Variants in FCRL4 observed in about 807,000 individuals in gnomAD.
The protein encoded by FCRL4 is Fc receptor like 4.
FCRL4 carries 43 observed loss-of-function variants against 64.1 expected under a neutral mutation model. The observed-to-expected ratio is 0.67, with a 90% CI of 0.53 to 0.87. FCRL4 has a LOEUF of 0.87. FCRL4 is among the 40% of genes least tolerant of loss of function. FCRL4 has a pLI of 0.00. For synonymous variants in FCRL4, 253 were observed against 239.8 expected (o/e 1.05, Z -0.51); for missense variants, 656 against 613.5 (o/e 1.07, Z -0.73).
intron 2 of FCRL4, among the ~76,000 whole-genome samples, chr1:157,593,892 T>A (rs946368648): frequency 6.6e-6 from 1 of 152,200 alleles, no homozygotes; most frequent in Non-Finnish European, 1.5e-5. Context: ...CACTCAAACG[T>A]CCTTACCAAT....
chr1:157,575,583 T>A lies in FCRL4; in HGVS notation c.1489A>T (p.Lys497Ter). ...KDVSVVYSEV[K>*]TQHPDNSAGK... ...GCTGAGTTATCTGGGTGTTGTGTCT[T>A]TACCTCAGAGTAGACAACTGAGACA... The change falls in exon 12 of 12, where the codon AAG (lysine) becomes TAG (stop). Residue 497 changes from lysine (K) to a stop codon, truncating the protein, a stop_gained. Transcript: ENST00000271532. LOFTEE classifies it low-confidence loss of function (END_TRUNC). 2 of 1,613,896 alleles carry A rather than the reference T, an allele frequency of 1.2e-6. No homozygotes were observed. The highest frequency in any genetic ancestry group is 1.7e-6 in the Non-Finnish European group (2 of 1,179,800).
rs1379401344 is a variant in FCRL4 at position 157,597,918 on chromosome 1, G to A, written c.27C>T (p.Ala9=). Reference sequence around the variant, plus strand: ...GGTCTCCTCCCCATCACTTACCAAAGGCCAGCAAGGACGCCCACAGCAGCA... The same window carrying A: ...GGTCTCCTCCCCATCACTTACCAAAAGCCAGCAAGGACGCCCACAGCAGCA... The part of the protein sequence containing the change: MLLWASLL[A]FAPVCGQSAA... Residue 9 remains alanine, a synonymous_variant, in exon 1 of 12, where the codon GCC becomes GCT. Transcript: ENST00000271532. The A allele has an allele frequency of 1.2e-6, 2 of 1,613,288 alleles. No individual in the cohort carries two copies. The highest frequency in any genetic ancestry group is 2.2e-5 in the East Asian group (1 of 44,852).
At chr1:157,594,658 A>G (rs1432126663) in intron 2 of FCRL4, among the ~76,000 whole-genome samples, 1 of 152,216 alleles carries the variant, frequency 6.6e-6, no homozygotes, top group Non-Finnish European at 1.5e-5. Context: ...TCAGATGAGG[A>G]CTGTCTACAT....
intron 10 of FCRL4, among the ~76,000 whole-genome samples, chr1:157,577,931 G>T (rs1652452249): frequency 6.6e-6 from 1 of 152,012 alleles, no homozygotes; most frequent in Non-Finnish European, 1.5e-5. Context: ...GGTTGCTCGA[G>T]ACTTACCCTA....
intron 6 of FCRL4, among the ~76,000 whole-genome samples, chr1:157,585,371 TTTCTTTCTTTCTTTCTTTCTTTCC>T (rs1296062451): frequency 0.023 from 2,702 of 119,354 alleles, 35 homozygotes; most frequent in East Asian, 0.068. Context: ...TCTTTCTTTC[TTTCTTTCTTTCTTTCTTTCTTTCC>T]TTCTTTCTTT....
intron 9 of FCRL4, 21 bp downstream of exon 9, chr1:157,578,749 T>C: frequency 6.2e-7 from 1 of 1,611,546 alleles, no homozygotes; most frequent in Non-Finnish European, 8.5e-7. Context: ...CAGGAACAGC[T>C]TCCTAGAAGG....
chr1:157,587,680 C>T (rs935160157), intron 4 of FCRL4, 120 bp from the exon 5 acceptor site: 2 of 1,201,820 alleles, frequency 1.7e-6, no homozygotes, highest in African/African-American at 3.0e-5. Flanking sequence ...CTTATCAAGC[C>T]CTCTATCACA....
At position 157,581,631 on chromosome 1, in the gene FCRL4, G is replaced by T. The variant is rs376562290; in HGVS notation, c.1149C>A (p.Asn383Lys). ...LNVTVRETPG[N>K]RDGLVAAGAT... is the part of the protein sequence containing the mutation. The stretch of plus-strand genomic sequence containing the variant: ...CTCCCGCGGCGACAAGGCCATCTCT[G>T]TTGCCTGGGGTCTCTAAGGGGAAAG... The change falls in exon 7 of 12, where the codon AAC (asparagine) becomes AAA (lysine). Residue 383 changes from asparagine to lysine, a missense_variant. Coordinates refer to ENST00000271532, the MANE Select transcript of FCRL4 (RefSeq NM_031282.3). 1.5e-5 allele frequency: 25 copies of T among 1,613,534 alleles called. No individual in the cohort carries two copies. The highest frequency in any genetic ancestry group is 1.9e-5 in the Non-Finnish European group (23 of 1,179,726).
chr1:157,574,119 TTTTC>T lies in FCRL4; in HGVS notation c.*1401_*1404del, dbSNP rs1345485958. The T allele has an allele frequency of 1.4e-5, 3 of 219,312 alleles. No homozygotes were observed. Among genetic ancestry groups the T allele is most frequent in the Admixed American group, 5.8e-5 (1 of 17,298 alleles). 13.6% of individuals were successfully genotyped at this position (219,312 alleles called of 1,614,324 possible). On this transcript the variant is annotated 3_prime_UTR_variant, in exon 12 of 12. Transcript: ENST00000271532. ...ATATCTGTCACCTTAAATATTCGTC[TTTTC>T]TTTATGTTGAAAATATTCTAATTAC... is the stretch of plus-strand genomic sequence containing the variant.
chr1:157,596,384 C>T (rs373805654), intron 1 of FCRL4, 36 bp from the exon 2 acceptor site: 248 of 1,613,104 alleles, frequency 1.5e-4, no homozygotes, highest in Non-Finnish European at 2.0e-4. Flanking sequence ...TCAGCGTAGG[C>T]GAAGAGTCCC....
chr1:157,589,703 G>A (rs937913530), intron 2 of FCRL4, among the ~76,000 whole-genome samples: 10 of 152,234 alleles, frequency 6.6e-5, no homozygotes, highest in Non-Finnish European at 8.8e-5. Context: ...CCACTCAGCA[G>A]TGATAGATGA....
intron 2 of FCRL4, among the ~76,000 whole-genome samples, chr1:157,595,212 T>C (rs546865276): frequency 6.6e-6 from 1 of 152,340 alleles, no homozygotes; most frequent in East Asian, 1.9e-4. Context: ...TGCAGACACT[T>C]TTTAAAAAGA....
chr1:157,590,908 C>T (rs1457458409), intron 2 of FCRL4, among the ~76,000 whole-genome samples: 14 of 152,124 alleles, frequency 9.2e-5, no homozygotes. Flanking sequence ...TTAAGGTTTG[C>T]TGAAAAGTCA....
At chr1:157,588,796 A>G (rs1652767180) in intron 3 of FCRL4, among the ~76,000 whole-genome samples, 2 of 152,188 alleles carry the variant, frequency 1.3e-5, no homozygotes, top group Non-Finnish European at 2.9e-5. Flanking sequence ...GGGACGCATA[A>G]CAACGGGTGG....
chr1:157,592,331 T>G (rs1038859991), intron 2 of FCRL4, among the ~76,000 whole-genome samples: 3 of 151,688 alleles, frequency 2.0e-5, no homozygotes, highest in African/African-American at 4.8e-5. Flanking sequence ...GGGAGAAAAA[T>G]TTTGCAATCT....
rs552556080 is a variant in FCRL4, at chr1:157,591,569, A to G, written c.53-2111T>C. On this transcript the variant is annotated intron_variant, in intron 2 of 11. Coordinates refer to ENST00000271532, the MANE Select transcript of FCRL4 (RefSeq NM_031282.3). Reference sequence around the variant, plus strand: ...GAGAGGTAAGCAGGCTCTGTTTGTCATAAGAAATATATCCAGATAGTTGCA... The same window carrying G: ...GAGAGGTAAGCAGGCTCTGTTTGTCGTAAGAAATATATCCAGATAGTTGCA... 6.6e-5 allele frequency among the ~76,000 whole-genome samples: 10 copies of G among 152,292 alleles called. No homozygotes were observed. In the East Asian group the frequency reaches 1.7e-3, roughly 26 times the overall value.
chr1:157,590,401 G>A (rs970706939), intron 2 of FCRL4, among the ~76,000 whole-genome samples: 1 of 151,982 alleles, frequency 6.6e-6, no homozygotes, highest in Non-Finnish European at 1.5e-5. Flanking sequence ...TTTGGATGAG[G>A]GATATTCAAC....
rs1430714347 is a variant in FCRL4, at chr1:157,587,550, T to TG, written c.572dup (p.His192ThrfsTer22). On this transcript the variant is annotated frameshift_variant, in exon 5 of 12. Transcript: ENST00000271532. LOFTEE classifies it high-confidence loss of function. ...AGTCTGTAGCTTTCAGCTCTGGATGTGGAAATAGTTCTAGAGAGAAGAGGT... is the reference window on the plus strand; with the variant it reads ...AGTCTGTAGCTTTCAGCTCTGGATGTGGGAAATAGTTCTAGAGAGAAGAGGT... 6.2e-7 allele frequency: 1 copy of TG among 1,613,596 alleles called. No homozygotes were observed. Among genetic ancestry groups the TG allele is most frequent in the East Asian group, 2.2e-5 (1 of 44,896 alleles).
rs920776800 is a variant in FCRL4 at position 157,578,772 on chromosome 1, T to G, written c.1358A>C (p.Asp453Ala). 1 of 1,613,802 alleles carries G rather than the reference T, an allele frequency of 6.2e-7. No individual in the cohort carries two copies. The highest frequency in any genetic ancestry group is 8.5e-7 in the Non-Finnish European group (1 of 1,179,790). Residue 453 changes from aspartate to alanine, a missense_variant and splice_region_variant, in exon 9 of 12, where the codon GAT (aspartate) becomes GCT (alanine). Physicochemically the swap from Asp to Ala is moderately radical, Grantham distance 126 (BLOSUM62 -2). Coordinates refer to ENST00000271532, the MANE Select transcript of FCRL4 (RefSeq NM_031282.3). ...GCTTCCTAGAAGGGAATCCTCACCA[T>G]CAACATACAACGACTGAAGCTCCAC... ...AQVELQSLYV[D>A]VHPKKGDLVY...
Sources: gnomAD v4.1 joint callset for allele counts (sites outside exome capture counted in the v4.1 genomes callset) on GRCh38, gnomAD v4.1.1 for gene constraint, MANE v1.5 for transcripts, NCBI Gene and HGNC (gene_info 2026-07-23, HGNC 2026-07-21) for gene names.